The following RAB11FIP1 variants were observed in gnomAD, a reference collection of about 807,000 sequenced individuals.
The protein encoded by RAB11FIP1 is RAB11 family interacting protein 1.
A neutral mutation model predicts 83.1 loss-of-function variants in RAB11FIP1; 49 were observed. The observed-to-expected ratio is 0.59, with a 90% CI of 0.47 to 0.75. The LOEUF (loss-of-function observed/expected upper bound fraction) is 0.75, where lower values mean the gene tolerates loss of function less well. Ranked by LOEUF, RAB11FIP1 falls within the 30% of genes least tolerant of loss-of-function variation. RAB11FIP1 has a pLI of 0.00. For synonymous variants in RAB11FIP1, 670 were observed against 656.0 expected (o/e 1.02, Z -0.33); for missense variants, 1,536 against 1,598.7 (o/e 0.96, Z 0.67).
chr8:37,881,297 C>G (rs750015099), intron 1 of RAB11FIP1, among the ~76,000 whole-genome samples: 2 of 148,660 alleles, frequency 1.3e-5, no homozygotes, highest in African/African-American at 2.6e-5. Flanking sequence ...CCTATTCTTT[C>G]TCCTATTCTT....
chr8:37,871,027 T>C, intron 4 of RAB11FIP1: 2 of 458,872 alleles, frequency 4.4e-6, no homozygotes, highest in Non-Finnish European at 7.7e-6. Flanking sequence ...GTTTCTGCAA[T>C]GTGCGAGCTC....
At chr8:37,887,334 C>A in intron 1 of RAB11FIP1, among the ~76,000 whole-genome samples, 1 of 152,032 alleles carries the variant, frequency 6.6e-6, no homozygotes, top group Non-Finnish European at 1.5e-5. Context: ...AGTTCGAGAC[C>A]AGCCTGGCCA....
intron 3 of RAB11FIP1, among the ~76,000 whole-genome samples, chr8:37,873,838 A>G (rs1806540134): frequency 6.6e-6 from 1 of 151,370 alleles, no homozygotes; most frequent in African/African-American, 2.4e-5. Context: ...GGCACAGATA[A>G]GTTTAAGAGG....
intron 1 of RAB11FIP1, among the ~76,000 whole-genome samples, chr8:37,893,414 C>A (rs1368057523): frequency 6.6e-6 from 1 of 152,136 alleles, no homozygotes; most frequent in Non-Finnish European, 1.5e-5. Context: ...CAGGGATCAT[C>A]CCTGTTTTCT....
chr8:37,894,411 T>C (rs1807017471), intron 1 of RAB11FIP1, among the ~76,000 whole-genome samples: 5 of 152,134 alleles, frequency 3.3e-5, no homozygotes, highest in Admixed American at 3.3e-4. Flanking sequence ...CTTGCAGTTC[T>C]TCCAAGTATC....
chr8:37,869,934 T>C (rs749146876), intron 5 of RAB11FIP1, among the ~76,000 whole-genome samples: 33 of 152,200 alleles, frequency 2.2e-4, no homozygotes, highest in Admixed American at 1.4e-3. Flanking sequence ...TATGCAATGA[T>C]TGCAATTATC....
intron 1 of RAB11FIP1, among the ~76,000 whole-genome samples, chr8:37,882,738 C>T (rs1389887357): frequency 3.9e-5 from 6 of 152,202 alleles, no homozygotes; most frequent in Non-Finnish European, 8.8e-5. Flanking sequence ...TTTCCTGTAA[C>T]ATAGCCAGTT....
rs531248255 is a variant in RAB11FIP1, at chr8:37,899,355, G to A, written c.87C>T (p.Gly29=). 5.0e-6 allele frequency: 8 copies of A among 1,606,556 alleles called. No individual in the cohort carries two copies. In the African/African-American group the frequency reaches 5.4e-5, roughly 11 times the overall value. Residue 29 remains glycine (G), a synonymous_variant, in exon 1 of 6, where the codon GGC becomes GGT. Transcript: ENST00000330843. The surrounding 1 kb of genome is among the most constrained non-coding windows in gnomAD (Gnocchi z 4.5). ...TGCCCCCGGGGCCCTTGGCCCGCAG[G>A]CCCCGCGCCTGCAGCACCGTCACCT... The part of the protein sequence containing the change: ...HVQVTVLQAR[G]LRAKGPGGTS...
intron 1 of RAB11FIP1, among the ~76,000 whole-genome samples, chr8:37,888,946 C>A (rs1179513559): frequency 1.3e-5 from 2 of 151,854 alleles, no homozygotes; most frequent in African/African-American, 4.8e-5. Context: ...TACAAGCACC[C>A]GCCACCGCGC....
In RAB11FIP1 at chr8:37,899,483, A is replaced by C. The variant is rs774124180; in HGVS notation, c.-42T>G. On this transcript the variant is annotated 5_prime_UTR_variant, in exon 1 of 6. Transcript: ENST00000330843. The surrounding 1 kb of genome is among the most constrained non-coding windows in gnomAD (Gnocchi z 4.5). Reference sequence around the variant, plus strand: ...CAGAAGCGAGGAGAAGATCGCCGCGACTGGCGGCCTCCACGGCCCGCCCCG... The same window carrying C: ...CAGAAGCGAGGAGAAGATCGCCGCGCCTGGCGGCCTCCACGGCCCGCCCCG... 1 of 1,484,630 alleles carries C rather than the reference A, an allele frequency of 6.7e-7. No homozygotes were observed. Among genetic ancestry groups the C allele is most frequent in the South Asian group, 1.4e-5 (1 of 73,146 alleles). The allele number at this position is 1,484,630 out of a possible 1,614,324, so 92.0% of individuals were successfully genotyped here. A position where few individuals can be genotyped will look rare whatever the true frequency, so the allele number is the denominator to read the frequency against.
intron 1 of RAB11FIP1, among the ~76,000 whole-genome samples, chr8:37,888,507 C>T (rs753552947): frequency 6.6e-5 from 10 of 152,024 alleles, no homozygotes; most frequent in African/African-American, 1.7e-4. Context: ...TTTTTTCAGA[C>T]GGGCTCTGTT....
intron 2 of RAB11FIP1, among the ~76,000 whole-genome samples, chr8:37,876,486 T>G (rs1806613506): frequency 1.3e-5 from 2 of 150,834 alleles, no homozygotes; most frequent in African/African-American, 2.4e-5. Context: ...TAGTCCCAGC[T>G]CCTCAGAAGG....
Position 37,873,108 on chromosome 8 carries a change from G to A in RAB11FIP1, c.1694C>T (p.Pro565Leu), listed in dbSNP as rs761502750. The A allele has an allele frequency of 3.7e-6, 6 of 1,613,390 alleles. No homozygotes were observed. In the African/African-American group the frequency reaches 5.3e-5, roughly 14 times the overall value. The change falls in exon 4 of 6, where the codon CCT becomes CTT. Residue 565 changes from proline (P) to leucine (L), a missense_variant. Transcript: ENST00000330843. ...CTGGCCAGAGCTAGAAGGAAGAGGA[G>A]GAAGAGAGGAAGGGGAGTCAGTAGG... ...PSPTDSPSSL[P>L]PLPSSSGQAS...
chr8:37,893,395 T>C (rs1371240458), intron 1 of RAB11FIP1, among the ~76,000 whole-genome samples: 1 of 152,164 alleles, frequency 6.6e-6, no homozygotes, highest in African/African-American at 2.4e-5. Flanking sequence ...GCTCTGGGCT[T>C]CCTGAAAGCA....
Position 37,861,087 on chromosome 8 carries a change from A to G in RAB11FIP1, c.*1808T>C, listed in dbSNP as rs1585423731. On this transcript the variant is annotated 3_prime_UTR_variant, in exon 6 of 6. Transcript: ENST00000330843. The stretch of plus-strand genomic sequence containing the variant: ...TCATAGCCAGGGAAAAAAATGAGAA[A>G]TACCAGAAACATTCTAATTCCAGTC... The G allele has an allele frequency of 6.5e-6, 1 of 153,228 alleles. No homozygotes were observed. Among genetic ancestry groups the G allele is most frequent in the Middle Eastern group, 3.4e-3 (1 of 296 alleles). The allele number at this position is 153,228 out of a possible 1,614,324, so 9.5% of individuals were successfully genotyped here. A position where few individuals can be genotyped will look rare whatever the true frequency, so the allele number is the denominator to read the frequency against.
chr8:37,861,159 T>C lies in RAB11FIP1; in HGVS notation c.*1736A>G, dbSNP rs1438624942. 1 of 153,164 alleles carries C rather than the reference T, an allele frequency of 6.5e-6. No homozygotes were observed. Among genetic ancestry groups the C allele is most frequent in the Non-Finnish European group, 1.5e-5 (1 of 68,790 alleles). The allele number at this position is 153,164 out of a possible 1,614,324, so 9.5% of individuals were successfully genotyped here. A position where few individuals can be genotyped will look rare whatever the true frequency, so the allele number is the denominator to read the frequency against. ...TACCTGAAAAATCTCAGCTGGTGCT[T>C]TTAGCTAAGAAGGAAGCAAGTGCCC... On this transcript the variant is annotated 3_prime_UTR_variant, in exon 6 of 6. Coordinates refer to ENST00000330843, the MANE Select transcript of RAB11FIP1 (RefSeq NM_001002814.3).
intron 2 of RAB11FIP1, among the ~76,000 whole-genome samples, chr8:37,876,214 AAAGGAAGGAAGGAAGGAAGG>A (rs71216633): frequency 7.6e-4 from 98 of 128,384 alleles, no homozygotes; most frequent in African/African-American, 2.4e-3. Flanking sequence ...GAAAAGAAAG[AAAGGAAGGAAGGAAGGAAGG>A]AAGGAAGGAA....
intron 2 of RAB11FIP1, among the ~76,000 whole-genome samples, chr8:37,876,530 G>A (rs1806614311): frequency 6.6e-6 from 1 of 151,816 alleles, no homozygotes; most frequent in Admixed American, 6.6e-5. Context: ...CCCAGGAGTT[G>A]GAGGCTGCCG....
At chr8:37,866,993 G>C (rs1191218722) in intron 5 of RAB11FIP1, among the ~76,000 whole-genome samples, 2 of 152,192 alleles carry the variant, frequency 1.3e-5, no homozygotes, top group African/African-American at 4.8e-5. Flanking sequence ...CCTTTGTTTT[G>C]AGCTAAGTTA....
Sources: gnomAD v4.1 joint callset for allele counts (sites outside exome capture counted in the v4.1 genomes callset) on GRCh38, gnomAD v4.1.1 for gene constraint, Gnocchi (gnomAD v3.1) non-coding constraint, MANE v1.5 for transcripts, NCBI Gene and HGNC (gene_info 2026-07-23, HGNC 2026-07-21) for gene names.